SH2B1: variants seen among roughly 807,000 people sequenced by gnomAD.
SH2B1 encodes the protein SH2B adaptor protein 1.
A neutral mutation model predicts 62.6 loss-of-function variants in SH2B1; 15 were observed. The observed-to-expected ratio is 0.24, with a 90% confidence interval of 0.16 to 0.37. The LOEUF is 0.37. Ranked by LOEUF, SH2B1 falls within the 10% of genes least tolerant of loss-of-function variation. SH2B1 has a pLI of 1.00. For missense variants in SH2B1, 925 were observed against 1,015.6 expected (o/e 0.91, Z 1.21); for synonymous variants, 443 against 438.0 (o/e 1.01, Z -0.14).
In SH2B1 at chr16:28,872,596, C is replaced by T. The variant is rs758583898; in HGVS notation, c.1788C>T (p.Ser596=). The change falls in exon 7 of 8, where the codon TCC becomes TCT. Residue 596 remains serine (S), a synonymous_variant. Transcript: ENST00000684370. The surrounding 1 kb of genome is among the most constrained non-coding windows in gnomAD (Gnocchi z 5.3). ...QCRVQHLWFQ[S]IFDMLEHFRV... ...GGGTCCAGCACCTGTGGTTCCAGTC[C>T]ATTTTCGATATGCTCGAGCACTTCC... 1.9e-6 allele frequency: 3 copies of T among 1,614,172 alleles called. No homozygotes were observed. The highest frequency in any genetic ancestry group is 8.5e-7 in the Non-Finnish European group (1 of 1,180,030).
upstream of SH2B1, among the ~76,000 whole-genome samples, chr16:28,859,640 C>G (rs923476638): frequency 6.6e-6 from 1 of 151,070 alleles, no homozygotes; most frequent in East Asian, 1.9e-4. Flanking sequence ...CCCAGGAGTT[C>G]GAAGCTGCAG....
At chr16:28,860,613 A>G (rs2152165574), upstream of SH2B1, among the ~76,000 whole-genome samples, 2 of 151,972 alleles carry the variant, frequency 1.3e-5, no homozygotes, top group South Asian at 4.2e-4. Flanking sequence ...AACTACTCTC[A>G]CCAAGTCACG....
At position 28,869,401 on chromosome 16, in the gene SH2B1, G is replaced by C. The variant is rs1350079278; in HGVS notation, c.1309+18G>C. ...GTCGCAGGGTAAGGGTGGAGCCTTA[G>C]AGAGCTCGGAGCCTCGGAACCTGCC... On this transcript the variant is annotated intron_variant, in intron 4 of 7. Transcript: ENST00000684370. The C allele has an allele frequency of 7.5e-6, 12 of 1,602,004 alleles. No homozygotes were observed. The highest frequency in any genetic ancestry group is 1.0e-5 in the Non-Finnish European group (12 of 1,171,508).
chr16:28,863,746 A>G (rs1669782815), upstream of SH2B1: 1 of 1,534,610 alleles, frequency 6.5e-7, no homozygotes, highest in East Asian at 2.4e-5. Context: ...GAGTGGGAGG[A>G]TGGCGGAAGT....
Position 28,873,972 on chromosome 16 carries a change from AGAG to A in SH2B1, c.*154_*156del. 2.7e-6 allele frequency: 2 copies of A among 730,214 alleles called. No individual in the cohort carries two copies. Among genetic ancestry groups the A allele is most frequent in the Non-Finnish European group, 3.9e-6 (2 of 516,244 alleles). The allele number at this position is 730,214 out of a possible 1,614,324, so 45.2% of individuals were successfully genotyped here. On this transcript the variant is annotated 3_prime_UTR_variant, in exon 8 of 8. Transcript: ENST00000684370. The surrounding 1 kb of genome is among the most constrained non-coding windows in gnomAD (Gnocchi z 4.2). ...TTGATGGTACAAGCAGAGGCTCGGG[AGAG>A]GCTCCCGTCACACACTACAGGTCCC... is the stretch of plus-strand genomic sequence containing the variant.
At chr16:28,863,550 C>T (rs1328163176), upstream of SH2B1, 14 of 874,504 alleles carry the variant, frequency 1.6e-5, no homozygotes, top group Non-Finnish European at 2.4e-5. Context: ...CCCTGGGACT[C>T]TATCCCCTAA....
In SH2B1 at chr16:28,873,237, C is replaced by G. The variant is rs779268164; in HGVS notation, c.1898-210C>G. On this transcript the variant is annotated intron_variant, in intron 7 of 7. Transcript: ENST00000684370. The surrounding 1 kb of genome is among the most constrained non-coding windows in gnomAD (Gnocchi z 4.2). The stretch of plus-strand genomic sequence containing the variant: ...ATGGATGCCACCCCGATGCCTCCTG[C>G]ACCCTCATGCCCTTCGGAGCGAGTG... The G allele has an allele frequency of 5.0e-6, 8 of 1,606,986 alleles. No individual in the cohort carries two copies. Among genetic ancestry groups the G allele is most frequent in the Non-Finnish European group, 5.9e-6 (7 of 1,178,426 alleles).
In SH2B1 at chr16:28,872,747, C is replaced by T; in HGVS notation, c.1897+42C>T. ...TGCAGGGGAGGAGGTGCCCGTGCACCCAAGAAGTGAGGTGTGTGTGCCAGA... is the reference window on the plus strand; with the variant it reads ...TGCAGGGGAGGAGGTGCCCGTGCACTCAAGAAGTGAGGTGTGTGTGCCAGA... On this transcript the variant is annotated intron_variant, in intron 7 of 7. Coordinates refer to ENST00000684370, the MANE Select transcript of SH2B1 (RefSeq NM_001387430.1). The surrounding 1 kb of genome is among the most constrained non-coding windows in gnomAD (Gnocchi z 5.3). 1 of 1,610,132 alleles carries T rather than the reference C, an allele frequency of 6.2e-7. No individual in the cohort carries two copies. The highest frequency in any genetic ancestry group is 8.5e-7 in the Non-Finnish European group (1 of 1,177,848).
chr16:28,847,174 G>A (rs138092777), intron 1 of SH2B1, among the ~76,000 whole-genome samples: 29 of 152,320 alleles, frequency 1.9e-4, no homozygotes, highest in African/African-American at 6.7e-4. Flanking sequence ...CAAGGATGAG[G>A]AGCCAGCTAG....
In SH2B1 at chr16:28,865,031, T is replaced by C; in HGVS notation, c.-1064T>C. ...ATAAGGTGGCTGGACTGGGTGCTCA[T>C]AAGGTGGTTTGAGCCCTGGTCTGAC... On this transcript the variant is annotated 5_prime_UTR_variant, in exon 1 of 8. Coordinates refer to ENST00000684370, the MANE Select transcript of SH2B1 (RefSeq NM_001387430.1). 2 of 936,012 alleles carry C rather than the reference T, an allele frequency of 2.1e-6. No individual in the cohort carries two copies. The highest frequency in any genetic ancestry group is 2.5e-6 in the Non-Finnish European group (2 of 784,898). 58.0% of individuals were successfully genotyped at this position (936,012 alleles called of 1,614,324 possible). A position where few individuals can be genotyped will look rare whatever the true frequency, so the allele number is the denominator to read the frequency against.
In SH2B1 at chr16:28,872,218, G is replaced by A; in HGVS notation, c.1542G>A (p.Glu514=). Residue 514 remains glutamate, a synonymous_variant, in exon 6 of 8, where the codon GAG becomes GAA. Coordinates refer to ENST00000684370, the MANE Select transcript of SH2B1 (RefSeq NM_001387430.1). The surrounding 1 kb of genome is among the most constrained non-coding windows in gnomAD (Gnocchi z 5.3). The stretch of plus-strand genomic sequence containing the variant: ...CCTTCCTGTTCCAGGGGGAGCCAGA[G>A]GGCGGTGAGGGGGACCAGCCCCTCT... The part of the protein sequence containing the change: ...TGSFLFQGEP[E]GGEGDQPLSG... 1 of 1,613,660 alleles carries A rather than the reference G, an allele frequency of 6.2e-7. No individual in the cohort carries two copies. Among genetic ancestry groups the A allele is most frequent in the Non-Finnish European group, 8.5e-7 (1 of 1,179,746 alleles).
At chr16:28,852,826 A>ATTTATATATATATACATATATATT (rs1962192980) in intron 1 of SH2B1, among the ~76,000 whole-genome samples, 1 of 40,578 alleles carries the variant, frequency 2.5e-5, no homozygotes, top group African/African-American at 1.4e-4. Flanking sequence ...TTACATATAT[A>ATTTATATATATATACATATATATT]TTTATATATA....
chr16:28,858,049 T>A (rs1962362600), intron 1 of SH2B1, among the ~76,000 whole-genome samples: 1 of 151,900 alleles, frequency 6.6e-6, no homozygotes, highest in South Asian at 2.1e-4. Context: ...AGAGTTCTTA[T>A]TAGTACATCA....
intron 1 of SH2B1, among the ~76,000 whole-genome samples, chr16:28,852,580 T>A (rs192613545): frequency 1.3e-4 from 4 of 31,304 alleles, no homozygotes; most frequent in East Asian, 1.5e-3. Flanking sequence ...ACATATATAT[T>A]TATATATATA....
intron 1 of SH2B1, among the ~76,000 whole-genome samples, chr16:28,856,895 C>A (rs999692330): frequency 1.3e-5 from 2 of 152,120 alleles, no homozygotes; most frequent in African/African-American, 4.8e-5. Context: ...TGCTTCCAAA[C>A]CCAGGGCTCC....
At chr16:28,852,192 TTATTTATATATTTAC>T in intron 1 of SH2B1, among the ~76,000 whole-genome samples, 1 of 128,214 alleles carries the variant, frequency 7.8e-6, no homozygotes, top group African/African-American at 3.4e-5. Flanking sequence ...ATATATATTT[TTATTTATATATTTAC>T]ATATATATAT....
At position 28,852,784 on chromosome 16, in the gene SH2B1, A is replaced by T. The variant is rs1480942354; in HGVS notation, c.-301+5957A>T. On this transcript the variant is annotated intron_variant, in intron 1 of 10. Transcript: ENST00000322610. ...TATATATATATTTATATATATATTT[A>T]CATATATATTTACATATATATTTAC... is the stretch of plus-strand genomic sequence containing the variant. 7.1e-5 allele frequency among the ~76,000 whole-genome samples: 3 copies of T among 42,402 alleles called. No individual in the cohort carries two copies. The East Asian group carries it at 1.4e-3, about 19-fold the overall frequency. 27.8% of individuals were successfully genotyped at this position (42,402 alleles called of 152,430 possible).
chr16:28,867,209 C>T, intron 1 of SH2B1, 122 bp from the exon 2 acceptor site: 2 of 1,193,852 alleles, frequency 1.7e-6, no homozygotes, highest in South Asian at 1.3e-5. Flanking sequence ...ACTGAGAAAG[C>T]AGTGTGACTG....
intron 2 of SH2B1, 83 bp downstream of exon 2, chr16:28,867,515 A>G: frequency 2.0e-6 from 2 of 1,002,512 alleles, no homozygotes; most frequent in Non-Finnish European, 3.2e-6. Context: ...GGCGTCGCCG[A>G]AAGGAGGTAT....
Sources: gnomAD v4.1 joint callset for allele counts (sites outside exome capture counted in the v4.1 genomes callset) on GRCh38, gnomAD v4.1.1 for gene constraint, Gnocchi (gnomAD v3.1) non-coding constraint, MANE v1.5 for transcripts, NCBI Gene and HGNC (gene_info 2026-07-23, HGNC 2026-07-21) for gene names.